Variants in SETBP1 observed in about 807,000 individuals in gnomAD.
The protein encoded by SETBP1 is SET binding protein 1.
SETBP1 carries 9 observed loss-of-function variants against 101.0 expected under a neutral mutation model. That is an observed-to-expected ratio of 0.09 (90% CI 0.05 to 0.16). The LOEUF (loss-of-function observed/expected upper bound fraction) is 0.16, where lower values mean the gene tolerates loss of function less well. Ranked by LOEUF, SETBP1 falls within the 10% of genes least tolerant of loss-of-function variation. The probability of loss-of-function intolerance (pLI) is 1.00; values close to 1 mark genes in which losing one functional copy is unlikely to be tolerated. For missense variants in SETBP1, 1,858 were observed against 2,033.8 expected, an observed-to-expected ratio of 0.91 and a Z score of 1.66; for synonymous variants, 818 against 788.5, an observed-to-expected ratio of 1.04 and a Z score of -0.63.
chr18:45,010,105 G>A (rs1365391638), intron 4 of SETBP1, among the ~76,000 whole-genome samples: 2 of 152,076 alleles, frequency 1.3e-5, no homozygotes, highest in African/African-American at 2.4e-5. Context: ...TACTCCATGC[G>A]CTCTCCTGCA....
intron 5 of SETBP1, among the ~76,000 whole-genome samples, chr18:45,043,406 C>T (rs2073550233): frequency 6.7e-6 from 1 of 150,352 alleles, no homozygotes; most frequent in Non-Finnish European, 1.5e-5. Flanking sequence ...CAAACACATA[C>T]ACACCAACAT....
intron 4 of SETBP1, among the ~76,000 whole-genome samples, chr18:45,029,744 T>C (rs1247979213): frequency 1.3e-5 from 2 of 152,202 alleles, no homozygotes; most frequent in Non-Finnish European, 2.9e-5. Flanking sequence ...TAAGTTGGAT[T>C]CCTAGGTATT....
At chr18:44,754,664 G>A (rs2070455236) in intron 2 of SETBP1, among the ~76,000 whole-genome samples, 1 of 152,140 alleles carries the variant, frequency 6.6e-6, no homozygotes, top group African/African-American at 2.4e-5. Flanking sequence ...TCAAGAGAAT[G>A]GAGCTTCATC....
intron 3 of SETBP1, among the ~76,000 whole-genome samples, chr18:44,926,468 A>G (rs1233101971): frequency 6.6e-6 from 1 of 152,194 alleles, no homozygotes. Flanking sequence ...CTGGGGATGC[A>G]GTGTCCTCGT....
intron 2 of SETBP1, among the ~76,000 whole-genome samples, chr18:44,753,794 G>A (rs758015422): frequency 6.6e-6 from 1 of 152,156 alleles, no homozygotes; most frequent in Non-Finnish European, 1.5e-5. Context: ...AGGGAGGAAG[G>A]AAAAAGACTG....
intron 3 of SETBP1, among the ~76,000 whole-genome samples, chr18:44,899,006 A>G (rs983871145): frequency 2.6e-5 from 4 of 152,304 alleles, no homozygotes; most frequent in Middle Eastern, 3.4e-3. Context: ...AGTTTGGAAA[A>G]CAGCCCTGGG....
chr18:44,854,061 G>A lies in SETBP1; in HGVS notation c.487-15169G>A, dbSNP rs148589252. 2.8e-3 allele frequency among the ~76,000 whole-genome samples: 420 copies of A among 152,066 alleles called. 2 individuals carry two copies. The highest frequency in any genetic ancestry group is 9.5e-3 in the African/African-American group (395 of 41,460). On this transcript the variant is annotated intron_variant, in intron 2 of 5. Coordinates refer to ENST00000649279, the MANE Select transcript of SETBP1 (RefSeq NM_015559.3). ...TTATCACAGCTCTAAATTATATTTG[G>A]TTTTCATATTCAAAATAAATGCTGT...
intron 2 of SETBP1, among the ~76,000 whole-genome samples, chr18:44,776,806 T>A (rs2071013379): frequency 6.6e-6 from 1 of 152,252 alleles, no homozygotes; most frequent in African/African-American, 2.4e-5. Flanking sequence ...CCATCTCTGA[T>A]GCTGATCAGT....
chr18:45,049,034 G>A (rs781437331), intron 5 of SETBP1, among the ~76,000 whole-genome samples: 4 of 148,302 alleles, frequency 2.7e-5, no homozygotes, highest in Non-Finnish European at 6.0e-5. Flanking sequence ...CCCCAGAGGA[G>A]CTTTAACACT....
At chr18:44,804,469 G>A (rs891667473) in intron 2 of SETBP1, among the ~76,000 whole-genome samples, 18 of 152,240 alleles carry the variant, frequency 1.2e-4, no homozygotes, top group Non-Finnish European at 2.4e-4. Context: ...GAATATGACA[G>A]GTAGAATAGG....
intron 3 of SETBP1, among the ~76,000 whole-genome samples, chr18:44,879,027 C>A (rs1174283648): frequency 1.3e-5 from 2 of 152,194 alleles, no homozygotes; most frequent in African/African-American, 4.8e-5. Flanking sequence ...TTGTACATCT[C>A]TCACCTTCCT....
At position 44,951,034 on chromosome 18, in the gene SETBP1, C is replaced by A; in HGVS notation, c.1694C>A (p.Thr565Asn). 6.2e-7 allele frequency: 1 copy of A among 1,614,060 alleles called. No homozygotes were observed. The highest frequency in any genetic ancestry group is 8.5e-7 in the Non-Finnish European group (1 of 1,180,016). ...MLEPPSAYPI[T>N]PSSPLYTNTD... is the part of the protein sequence containing the mutation. ...GAGCCCCCGTCTGCATATCCCATCA[C>A]CCCATCCAGCCCTCTCTACACCAAC... is the stretch of plus-strand genomic sequence containing the variant. The change falls in exon 4 of 6, where the codon ACC becomes AAC. Residue 565 changes from threonine (T) to asparagine (N), a missense_variant. Coordinates refer to ENST00000649279, the MANE Select transcript of SETBP1 (RefSeq NM_015559.3). The surrounding 1 kb of genome is among the most constrained non-coding windows in gnomAD (Gnocchi z 7.8).
At chr18:45,038,108 A>G (rs954732934) in intron 4 of SETBP1, among the ~76,000 whole-genome samples, 2 of 152,154 alleles carry the variant, frequency 1.3e-5, no homozygotes, top group Non-Finnish European at 2.9e-5. Context: ...AAGTCTTACT[A>G]GGGTGGGAGC....
chr18:45,045,664 A>G (rs1413424961), intron 5 of SETBP1, among the ~76,000 whole-genome samples: 4 of 152,086 alleles, frequency 2.6e-5, no homozygotes, highest in Non-Finnish European at 5.9e-5. Context: ...CTGTGTTGAA[A>G]TCTCAGTGCT....
At chr18:44,914,930 C>T (rs891295847) in intron 3 of SETBP1, among the ~76,000 whole-genome samples, 2 of 151,936 alleles carry the variant, frequency 1.3e-5, no homozygotes, top group African/African-American at 4.8e-5. Flanking sequence ...CTTTTAAAAT[C>T]AACGCTTATT....
Position 44,907,078 on chromosome 18 carries a change from T to C in SETBP1, c.540+37795T>C, listed in dbSNP as rs562964985. The stretch of plus-strand genomic sequence containing the variant: ...TAACTTACTTTCTGTTCCCATACAT[T>C]TGCCTTTTCTAGATGTAATCAAACA... On this transcript the variant is annotated intron_variant, in intron 3 of 5. Coordinates refer to ENST00000649279, the MANE Select transcript of SETBP1 (RefSeq NM_015559.3). 2.4e-4 allele frequency among the ~76,000 whole-genome samples: 36 copies of C among 152,334 alleles called. 1 individual carries two copies. In the South Asian group the frequency reaches 7.3e-3, roughly 31 times the overall value.
chr18:44,985,731 G>T (rs2072217111), intron 4 of SETBP1, among the ~76,000 whole-genome samples: 1 of 152,116 alleles, frequency 6.6e-6, no homozygotes, highest in Non-Finnish European at 1.5e-5. Flanking sequence ...CTTGTAATCT[G>T]CTTTTAGGGC....
chr18:45,024,263 T>C (rs2073123613), intron 4 of SETBP1, among the ~76,000 whole-genome samples: 1 of 152,226 alleles, frequency 6.6e-6, no homozygotes, highest in Admixed American at 6.5e-5. Context: ...TTTCAAAGAC[T>C]GGAGACAAGA....
At chr18:44,876,066 C>G (rs546000125) in intron 3 of SETBP1, among the ~76,000 whole-genome samples, 1 of 152,328 alleles carries the variant, frequency 6.6e-6, no homozygotes, top group South Asian at 2.1e-4. Context: ...GGAATTGCTG[C>G]ATAGCATTTT....
Sources: gnomAD v4.1 joint callset for allele counts (sites outside exome capture counted in the v4.1 genomes callset) on GRCh38, gnomAD v4.1.1 for gene constraint, Gnocchi (gnomAD v3.1) non-coding constraint, MANE v1.5 for transcripts, NCBI Gene and HGNC (gene_info 2026-07-23, HGNC 2026-07-21) for gene names.